WDR90: variants seen among roughly 807,000 people sequenced by gnomAD.
WDR90 encodes WD repeat domain 90, also known as WD repeat-containing protein 90.
In WDR90, 238 loss-of-function variants were observed where a neutral mutation model predicts 195.2. The observed-to-expected ratio is 1.22, with a 90% CI of 1.10 to 1.36. The LOEUF is 1.36. WDR90 is among the 40% of genes most tolerant of loss of function. The pLI is 0.00. For synonymous variants in WDR90, 1,265 were observed against 1,052.4 expected, an observed-to-expected ratio of 1.20 and a Z score of -3.91; for missense variants, 2,734 against 2,439.5, an observed-to-expected ratio of 1.12 and a Z score of -2.54.
rs1481947022 is a variant in WDR90, at chr16:662,338, T to C, written c.4145+7T>C. The C allele has an allele frequency of 6.4e-7, 1 of 1,554,344 alleles. No individual in the cohort carries two copies. Among genetic ancestry groups the C allele is most frequent in the Non-Finnish European group, 8.7e-7 (1 of 1,151,076 alleles). ...GCAAGGGCTCAGGCGCCAGGTGAGC[T>C]GTTCACCCCTACGTGTTTTGGCTGC... On this transcript the variant is annotated splice_region_variant and intron_variant, in intron 33 of 40. Coordinates refer to ENST00000293879, the MANE Select transcript of WDR90 (RefSeq NM_145294.5).
chr16:651,053 A>G lies in WDR90; in HGVS notation c.618A>G (p.Ala206=). 1 of 1,608,712 alleles carries G rather than the reference A, an allele frequency of 6.2e-7. No homozygotes were observed. The highest frequency in any genetic ancestry group is 8.5e-7 in the Non-Finnish European group (1 of 1,177,108). The change falls in exon 6 of 41, where the codon GCA becomes GCG. Residue 206 remains alanine, a synonymous_variant. Coordinates refer to ENST00000293879, the MANE Select transcript of WDR90 (RefSeq NM_145294.5). ...LPVTPMPREM[A]FPVPKGESWH... is the part of the protein sequence containing the mutation. ...TGACTCCTATGCCTCGGGAAATGGC[A>G]TTCCCTGTGCCCAAGGGAGAGAGCT... is the stretch of plus-strand genomic sequence containing the variant.
At position 660,475 on chromosome 16, in the gene WDR90, C is replaced by T. The variant is rs142114747; in HGVS notation, c.3289-137C>T. 3.4e-4 allele frequency: 298 copies of T among 884,638 alleles called. 1 individual carries two copies. In the Middle Eastern group the frequency reaches 5.8e-3, roughly 17 times the overall value. The allele number at this position is 884,638 out of a possible 1,614,324, so 54.8% of individuals were successfully genotyped here. Reference sequence around the variant, plus strand: ...GTGCCCACAGCTCCCACACCTCCTACCCCAGCTTCCCCGTCTGCCCCTGGG... The same window carrying T: ...GTGCCCACAGCTCCCACACCTCCTATCCCAGCTTCCCCGTCTGCCCCTGGG... On this transcript the variant is annotated intron_variant, in intron 27 of 40. Coordinates refer to ENST00000293879, the MANE Select transcript of WDR90 (RefSeq NM_145294.5).
chr16:659,872 T>C (rs1666939365), intron 26 of WDR90, among the ~76,000 whole-genome samples, 186 bp from the exon 27 acceptor site: 1 of 152,146 alleles, frequency 6.6e-6, no homozygotes, highest in Admixed American at 6.5e-5. Flanking sequence ...GAGTCCCCCG[T>C]GTGACGAGGC....
chr16:655,401 C>A lies in WDR90; in HGVS notation c.1651C>A (p.Leu551Met), dbSNP rs747232220. Reference sequence around the variant, plus strand: ...CGTGGACTTAGGGGAGCACCACGCGCTGCAGTTCACCGACCTGGCCTTCAA... The same window carrying A: ...CGTGGACTTAGGGGAGCACCACGCGATGCAGTTCACCGACCTGGCCTTCAA... ...CPVDLGEHHA[L>M]QFTDLAFKQA... The change falls in exon 15 of 41, where the codon CTG (leucine) becomes ATG (methionine). Residue 551 changes from leucine (L) to methionine (M), a missense_variant. Leu to Met is a conservative substitution (Grantham distance 15). Transcript: ENST00000293879. 2 of 1,593,908 alleles carry A rather than the reference C, an allele frequency of 1.3e-6. No individual in the cohort carries two copies. Among genetic ancestry groups the A allele is most frequent in the South Asian group, 2.2e-5 (2 of 90,004 alleles).
chr16:652,377 C>T, intron 9 of WDR90, 90 bp from the exon 10 acceptor site: 1 of 1,446,704 alleles, frequency 6.9e-7, no homozygotes, highest in Non-Finnish European at 9.4e-7. Context: ...AGGCAGGACC[C>T]AGCTAGGGGT....
intron 29 of WDR90, 56 bp from the exon 30 acceptor site, chr16:661,286 C>T (rs940448915): frequency 1.4e-5 from 21 of 1,542,736 alleles, no homozygotes; most frequent in African/African-American, 9.5e-5. Context: ...GCCACCCCAG[C>T]CTCCACTCCA....
Position 650,517 on chromosome 16 carries a change from A to G in WDR90, c.389-22A>G, listed in dbSNP as rs754692000. The G allele has an allele frequency of 3.1e-6, 5 of 1,591,456 alleles. No homozygotes were observed. In the East Asian group the frequency reaches 9.0e-5, roughly 29 times the overall value. On this transcript the variant is annotated intron_variant, in intron 4 of 40. Coordinates refer to ENST00000293879, the MANE Select transcript of WDR90 (RefSeq NM_145294.5). Reference sequence around the variant, plus strand: ...CGGGCTGTCAGGAGGGTGGGCGCTGACCCTGAGTGCCCATCCTGCAGATCT... The same window carrying G: ...CGGGCTGTCAGGAGGGTGGGCGCTGGCCCTGAGTGCCCATCCTGCAGATCT...
Position 650,613 on chromosome 16 carries a change from T to C in WDR90, c.463T>C (p.Tyr155His). 1.2e-6 allele frequency: 2 copies of C among 1,612,790 alleles called. No homozygotes were observed. Among genetic ancestry groups the C allele is most frequent in the Non-Finnish European group, 8.5e-7 (1 of 1,179,932 alleles). Residue 155 changes from tyrosine to histidine, a missense_variant, in exon 5 of 41, where the codon TAC becomes CAC. Coordinates refer to ENST00000293879, the MANE Select transcript of WDR90 (RefSeq NM_145294.5). ...QLDLQDVLLV[Y>H]LNRCYGHLKS... ...CGATCTGCAGGACGTTCTCCTGGTCTACCTGAACCGGTGCTACGGCCATCT... is the reference window on the plus strand; with the variant it reads ...CGATCTGCAGGACGTTCTCCTGGTCCACCTGAACCGGTGCTACGGCCATCT...
intron 13 of WDR90, 149 bp downstream of exon 13, chr16:653,952 T>C: frequency 1.0e-6 from 1 of 975,850 alleles, no homozygotes; most frequent in East Asian, 2.7e-5. Flanking sequence ...TGCACTCTGG[T>C]GTTCATGCCG....
chr16:659,142 C>T lies in WDR90; in HGVS notation c.3052+16C>T, dbSNP rs1312286380. 4 of 1,611,118 alleles carry T rather than the reference C, an allele frequency of 2.5e-6. No homozygotes were observed. The highest frequency in any genetic ancestry group is 1.7e-5 in the Admixed American group (1 of 59,972). On this transcript the variant is annotated intron_variant, in intron 25 of 40. Transcript: ENST00000293879. The stretch of plus-strand genomic sequence containing the variant: ...TGCAAGACAGGTGAGTGGCTGTGCT[C>T]AGCTGGGGTGCAGGTGCTGCGCTGA...
Position 661,009 on chromosome 16 carries a change from C to CT in WDR90, c.3392-42_3392-41insT, listed in dbSNP as rs1555462791. ...CCCCAGGCCCCTCCCCGCCCCCCCC[C>CT]CCCCCCGGCCCGGCCTCAGGCCCCG... On this transcript the variant is annotated intron_variant, in intron 28 of 40. Transcript: ENST00000293879. 9 of 132,746 alleles carry CT rather than the reference C, an allele frequency of 6.8e-5. 2 individuals are homozygous for CT. The highest frequency in any genetic ancestry group is 7.3e-4 in the East Asian group (1 of 1,364). 8.2% of individuals were successfully genotyped at this position (132,746 alleles called of 1,614,324 possible).
In WDR90 at chr16:655,849, G is replaced by A. The variant is rs1344113583; in HGVS notation, c.1926G>A (p.Arg642=). ...TGGGCTCTGAGGACGGCTTCTTGCG[G>A]CTCTGGCCCCTGGACTTCTCCTCGG... ...CAVGSEDGFL[R]LWPLDFSSVL... is the part of the protein sequence containing the mutation. The change falls in exon 17 of 41, where the codon CGG becomes CGA. Residue 642 remains arginine, a synonymous_variant. Transcript: ENST00000293879. 2 of 1,598,672 alleles carry A rather than the reference G, an allele frequency of 1.3e-6. No homozygotes were observed. Among genetic ancestry groups the A allele is most frequent in the Non-Finnish European group, 8.5e-7 (1 of 1,175,060 alleles).
Position 662,775 on chromosome 16 carries a change from G to A in WDR90, c.4242G>A (p.Ala1414=), listed in dbSNP as rs181214791. ...ACATGGGCGTCGTGGGCACCACGGC[G>A]GGCACGCTGTGGTTTGTCAGCTGGG... ...SVDMGVVGTT[A]GTLWFVSWAE... Residue 1414 remains alanine (A), a synonymous_variant, in exon 34 of 41, where the codon GCG becomes GCA. Transcript: ENST00000293879. 7.8e-4 allele frequency: 1,251 copies of A among 1,607,722 alleles called. 22 individuals carry two copies. The South Asian group carries it at 0.011, about 14-fold the overall frequency.
chr16:662,554 C>T lies in WDR90; in HGVS notation c.4146-125C>T, dbSNP rs138484603. 4.7e-4 allele frequency: 645 copies of T among 1,368,786 alleles called. 3 individuals are homozygous for T. The African/African-American group carries it at 8.3e-3, about 18-fold the overall frequency. 84.8% of individuals were successfully genotyped at this position (1,368,786 alleles called of 1,614,324 possible). A position where few individuals can be genotyped will look rare whatever the true frequency, so the allele number is the denominator to read the frequency against. ...CTCCATGGGCTTTCTCTTCTTCCAC[C>T]GGGAGGGCACAGCCAGGTCCTGAGA... On this transcript the variant is annotated intron_variant, in intron 33 of 40. Transcript: ENST00000293879.
At position 651,219 on chromosome 16, in the gene WDR90, A is replaced by T; in HGVS notation, c.689A>T (p.Lys230Ile). Residue 230 changes from lysine (K) to isoleucine (I), a missense_variant, in exon 7 of 41, where the codon AAA (lysine) becomes ATA (isoleucine). Transcript: ENST00000293879. ...IHVRFPSESL[K>I]VPSKPIEKSC... ...CCAAGGTTTCCAAGTGAGAGCTTGA[A>T]AGTGCCTTCCAAGCCGATTGAGAAG... The T allele has an allele frequency of 6.2e-7, 1 of 1,613,054 alleles. No homozygotes were observed. The highest frequency in any genetic ancestry group is 8.5e-7 in the Non-Finnish European group (1 of 1,179,956).
chr16:661,013 CCCG>C lies in WDR90; in HGVS notation c.3392-37_3392-35del, dbSNP rs2037896261. 15 of 314,086 alleles carry C rather than the reference CCCG, an allele frequency of 4.8e-5. 1 individual carries two copies. Among genetic ancestry groups the C allele is most frequent in the African/African-American group, 1.2e-4 (2 of 16,026 alleles). 19.5% of individuals were successfully genotyped at this position (314,086 alleles called of 1,614,324 possible). ...AGGCCCCTCCCCGCCCCCCCCCCCC[CCCG>C]GCCCGGCCTCAGGCCCCGCCCTCTC... On this transcript the variant is annotated intron_variant, in intron 28 of 40. Transcript: ENST00000293879.
chr16:652,293 G>A, intron 9 of WDR90, 174 bp from the exon 10 acceptor site: 1 of 853,348 alleles, frequency 1.2e-6, no homozygotes, highest in Non-Finnish European at 1.8e-6. Flanking sequence ...AGGTCTGGCA[G>A]TGCAACTGGA....
chr16:651,807 G>A lies in WDR90; in HGVS notation c.841-20G>A, dbSNP rs1049318431. ...GGGTGTGATGGCCCAGGACGCTGAT[G>A]GGCACTTGTCCCCCAGCAGTCCGGC... On this transcript the variant is annotated intron_variant, in intron 8 of 40. Transcript: ENST00000293879. 1.9e-6 allele frequency: 3 copies of A among 1,611,372 alleles called. No individual in the cohort carries two copies. The highest frequency in any genetic ancestry group is 2.2e-5 in the East Asian group (1 of 44,872).
chr16:657,679 CA>C lies in WDR90; in HGVS notation c.2474-82del, dbSNP rs1047298620. 7.0e-6 allele frequency: 10 copies of C among 1,429,880 alleles called. No individual in the cohort carries two copies. The Admixed American group carries it at 1.2e-4, about 17-fold the overall frequency. The allele number at this position is 1,429,880 out of a possible 1,614,324, so 88.6% of individuals were successfully genotyped here. On this transcript the variant is annotated intron_variant, in intron 20 of 40. Coordinates refer to ENST00000293879, the MANE Select transcript of WDR90 (RefSeq NM_145294.5). ...GGCTGGTGTTTCCCGAAAGTGGGGG[CA>C]GGGGCGGCGGCCTCCTCGGGCCCTG... is the stretch of plus-strand genomic sequence containing the variant.
Sources: allele counts gnomAD v4.1 joint callset (sites outside exome capture counted in the v4.1 genomes callset), GRCh38; gene constraint gnomAD v4.1.1; transcripts MANE v1.5; gene names NCBI Gene and HGNC (gene_info 2026-07-23, HGNC 2026-07-21).